CDX2: variants seen among roughly 807,000 people sequenced by gnomAD.
CDX2 encodes the protein homeobox protein CDX-2.
In CDX2, 7 loss-of-function variants were observed where a neutral mutation model predicts 25.5. That is an observed-to-expected ratio of 0.27 (90% CI 0.16 to 0.52). The LOEUF (loss-of-function observed/expected upper bound fraction) is 0.52. CDX2 is among the 20% of genes least tolerant of loss of function. CDX2 has a pLI of 0.97. For missense variants in CDX2, 375 were observed against 431.4 expected (o/e 0.87, Z 1.16); for synonymous variants, 222 against 198.6 (o/e 1.12, Z -0.99).
Position 27,963,121 on chromosome 13 carries a change from G to T in CDX2, c.936C>A (p.Thr312=). 6.2e-7 allele frequency: 1 copy of T among 1,611,498 alleles called. No homozygotes were observed. Among genetic ancestry groups the T allele is most frequent in the Non-Finnish European group, 8.5e-7 (1 of 1,178,192 alleles). The stretch of plus-strand genomic sequence containing the variant: ...CGCTGCAGAACCCGGTGGGTCACTG[G>T]GTGACGGTGGGGTTTAGCACCCCCC... The part of the protein sequence containing the change: ...PTGGVLNPTV[T]Q Residue 312 remains threonine, a synonymous_variant, in exon 3 of 3, where the codon ACC becomes ACA. Transcript: ENST00000381020.
In CDX2 at chr13:27,969,260, G is replaced by A; in HGVS notation, c.-254C>T. The A allele has an allele frequency of 1.9e-6, 1 of 514,744 alleles. No homozygotes were observed. Among genetic ancestry groups the A allele is most frequent in the Non-Finnish European group, 3.4e-6 (1 of 292,592 alleles). The allele number at this position is 514,744 out of a possible 1,614,324, so 31.9% of individuals were successfully genotyped here. A position where few individuals can be genotyped will look rare whatever the true frequency, so the allele number is the denominator to read the frequency against. On this transcript the variant is annotated 5_prime_UTR_variant, in exon 1 of 3. Transcript: ENST00000381020. ...CCTTCCCACTAGGCTGCAGAGGCGG[G>A]GAAGACCCGCCACAGGCTGGCGTGC... is the stretch of plus-strand genomic sequence containing the variant.
In CDX2 at chr13:27,968,441, CCGAAGGGGCGCAG is replaced by C; in HGVS notation, c.541+12_541+24del. 16 of 1,492,094 alleles carry C rather than the reference CCGAAGGGGCGCAG, an allele frequency of 1.1e-5. No homozygotes were observed. Among genetic ancestry groups the C allele is most frequent in the Non-Finnish European group, 1.3e-5 (15 of 1,135,942 alleles). 92.4% of individuals were successfully genotyped at this position (1,492,094 alleles called of 1,614,324 possible). On this transcript the variant is annotated intron_variant, in intron 1 of 2. Transcript: ENST00000381020. ...CGACCCGCGCCTTCCCAAGCACCCTCCGAAGGGGCGCAGCCTCTGCTTACCTTGGCTGCCGAGG... is the reference window on the plus strand; with the variant it reads ...CGACCCGCGCCTTCCCAAGCACCCTCCCTCTGCTTACCTTGGCTGCCGAGG...
chr13:27,961,398 G>A lies in CDX2; in HGVS notation c.*1717C>T, dbSNP rs1869039470. Among the ~76,000 whole-genome samples the A allele has an allele frequency of 2.6e-5, 4 of 152,238 alleles. No individual in the cohort carries two copies. Among genetic ancestry groups the A allele is most frequent in the Admixed American group, 2.6e-4 (4 of 15,290 alleles). On this transcript the variant is annotated 3_prime_UTR_variant, in exon 3 of 3. Coordinates refer to ENST00000381020, the MANE Select transcript of CDX2 (RefSeq NM_001265.6). ...GAAGGGCTAAGCCCCCCTCGCCCGG[G>A]TCCTGCCGGAAAGTTCAGCTCGGCG...
chr13:27,965,513 G>A (rs1248423129), intron 1 of CDX2, among the ~76,000 whole-genome samples: 2 of 152,182 alleles, frequency 1.3e-5, no homozygotes, highest in African/African-American at 4.8e-5. Flanking sequence ...GGGCTCAGGA[G>A]CTGACAAGTC....
rs145287912 is a variant in CDX2, at chr13:27,968,665, A to T, written c.342T>A (p.His114Gln). The change falls in exon 1 of 3, where the codon CAT becomes CAA. Residue 114 changes from histidine to glutamine, a missense_variant. Physicochemically the swap from His to Gln is conservative, Grantham distance 24 (BLOSUM62 0). Coordinates refer to ENST00000381020, the MANE Select transcript of CDX2 (RefSeq NM_001265.6). ...GGTGGTGATGCGGGTGGTGGTGCGGATGGTAGTCTGCGGGGCTGCTGTAGC... is the reference window on the plus strand; with the variant it reads ...GGTGGTGATGCGGGTGGTGGTGCGGTTGGTAGTCTGCGGGGCTGCTGTAGC... ...AMGYSSPADY[H>Q]PHHHPHHHPH... 1.2e-5 allele frequency: 19 copies of T among 1,533,388 alleles called. No homozygotes were observed. Among genetic ancestry groups the T allele is most frequent in the Non-Finnish European group, 1.6e-5 (18 of 1,144,504 alleles). The allele number at this position is 1,533,388 out of a possible 1,614,324, so 95.0% of individuals were successfully genotyped here.
Position 27,966,729 on chromosome 13 carries a change from A to G in CDX2, c.542-1714T>C, listed in dbSNP as rs114408453. ...CCCCTGGGAACCTAGGAGCGGGGCTATGGAGGGGAGGGATGAGAGGGACTT... is the reference window on the plus strand; with the variant it reads ...CCCCTGGGAACCTAGGAGCGGGGCTGTGGAGGGGAGGGATGAGAGGGACTT... On this transcript the variant is annotated intron_variant, in intron 1 of 2. Transcript: ENST00000381020. Among the ~76,000 whole-genome samples the G allele has an allele frequency of 7.4e-3, 1,119 of 152,222 alleles. 15 individuals are homozygous for G. The highest frequency in any genetic ancestry group is 0.026 in the African/African-American group (1,084 of 41,542).
At chr13:27,967,214 C>T in intron 1 of CDX2, 1 of 471,972 alleles carries the variant, frequency 2.1e-6, no homozygotes. Flanking sequence ...GAGAAAGGCG[C>T]CTCCTCTAGG....
In CDX2 at chr13:27,964,594, C is replaced by G. The variant is rs1475307931; in HGVS notation, c.687+276G>C. Among the ~76,000 whole-genome samples the G allele has an allele frequency of 6.6e-6, 1 of 151,758 alleles. No individual in the cohort carries two copies. Among genetic ancestry groups the G allele is most frequent in the East Asian group, 1.9e-4 (1 of 5,164 alleles). On this transcript the variant is annotated intron_variant, in intron 2 of 2. Transcript: ENST00000381020. This position sits in a 1 kb window ranked among gnomAD's most constrained non-coding sequence, Gnocchi z 4.7. The stretch of plus-strand genomic sequence containing the variant: ...TGGCTCGAGCCTGTAGTCCAAGCTA[C>G]TCAGGTGACTGAGGCAGGAGGATCC...
chr13:27,963,848 A>G (rs1386618386), intron 2 of CDX2, among the ~76,000 whole-genome samples: 1 of 152,170 alleles, frequency 6.6e-6, no homozygotes, highest in Non-Finnish European at 1.5e-5. Context: ...CTATATATAT[A>G]AAATGTTCAT....
rs1475643395 is a variant in CDX2 at position 27,961,924 on chromosome 13, G to A, written c.*1191C>T. On this transcript the variant is annotated 3_prime_UTR_variant, in exon 3 of 3. Transcript: ENST00000381020. The stretch of plus-strand genomic sequence containing the variant: ...CCAAAGGCACCCCCAGGAGAGCCAC[G>A]CATTCCAAGGCTGGGCTCAGGCTTG... 6.6e-6 allele frequency among the ~76,000 whole-genome samples: 1 copy of A among 151,978 alleles called. No individual in the cohort carries two copies. The highest frequency in any genetic ancestry group is 2.4e-5 in the African/African-American group (1 of 41,356).
chr13:27,969,010 G>T lies in CDX2; in HGVS notation c.-4C>A. ...CCAGGAGGTAGCTCACGTACATGGT[G>T]GCGAGGGTCCGGGAGCAGACCTCAC... On this transcript the variant is annotated 5_prime_UTR_variant, in exon 1 of 3. Transcript: ENST00000381020. The T allele has an allele frequency of 6.3e-7, 1 of 1,593,058 alleles. No individual in the cohort carries two copies. The highest frequency in any genetic ancestry group is 8.5e-7 in the Non-Finnish European group (1 of 1,175,990).
intron 1 of CDX2, among the ~76,000 whole-genome samples, chr13:27,968,068 G>C (rs1593185232): frequency 1.3e-5 from 2 of 152,320 alleles, no homozygotes; most frequent in South Asian, 4.1e-4. Context: ...AAGAAGGTTC[G>C]AGCCTCCCTC....
At chr13:27,965,627 T>C (rs1052734715) in intron 1 of CDX2, among the ~76,000 whole-genome samples, 12 of 152,224 alleles carry the variant, frequency 7.9e-5, no homozygotes, top group African/African-American at 2.9e-4. Flanking sequence ...GGACACTTTA[T>C]ACCTGCCCAG....
At chr13:27,967,120 G>A in intron 1 of CDX2, 1 of 377,144 alleles carries the variant, frequency 2.7e-6, no homozygotes, top group South Asian at 2.2e-5. Context: ...TCCTTAGGGC[G>A]TGCGCCACCC....
rs1018163426 is a variant in CDX2, at chr13:27,962,036, C to G, written c.*1079G>C. The G allele has an allele frequency of 4.4e-6, 1 of 229,808 alleles. No homozygotes were observed. The highest frequency in any genetic ancestry group is 5.7e-5 in the Admixed American group (1 of 17,644). 14.2% of individuals were successfully genotyped at this position (229,808 alleles called of 1,614,324 possible). ...GCTGTCCAGATAATCTCCACTCCCT[C>G]TCTGAATTTTCCAAATCAGCTTGCA... On this transcript the variant is annotated 3_prime_UTR_variant, in exon 3 of 3. Transcript: ENST00000381020.
At position 27,964,996 on chromosome 13, in the gene CDX2, G is replaced by A. The variant is rs1397725727; in HGVS notation, c.561C>T (p.Asp187=). ...GGTCCGTGTACACCACTCGATATTT[G>A]TCTTTCGTCCTGGTTTTCACTGTGG... ...LGSQVKTRTK[D]KYRVVYTDHQ... The change falls in exon 2 of 3, where the codon GAC becomes GAT. Residue 187 remains aspartate, a synonymous_variant. Coordinates refer to ENST00000381020, the MANE Select transcript of CDX2 (RefSeq NM_001265.6). The surrounding 1 kb of genome is among the most constrained non-coding windows in gnomAD (Gnocchi z 4.7). 9 of 1,613,968 alleles carry A rather than the reference G, an allele frequency of 5.6e-6. No homozygotes were observed. Among genetic ancestry groups the A allele is most frequent in the East Asian group, 2.2e-5 (1 of 44,884 alleles).
Position 27,967,231 on chromosome 13 carries a change from G to C in CDX2, c.541+1235C>G, listed in dbSNP as rs1869375991. On this transcript the variant is annotated intron_variant, in intron 1 of 2. Transcript: ENST00000381020. The stretch of plus-strand genomic sequence containing the variant: ...GAAAGGCGCCTCCTCTAGGAGAAGG[G>C]ACCAAGCCAAAGCTCTGAGGCTCAC... The C allele has an allele frequency of 6.1e-6, 3 of 495,520 alleles. No individual in the cohort carries two copies. In the East Asian group the frequency reaches 1.4e-4, roughly 23 times the overall value. 30.7% of individuals were successfully genotyped at this position (495,520 alleles called of 1,614,324 possible).
intron 1 of CDX2, chr13:27,967,140 G>C (rs1467795028): frequency 2.7e-6 from 1 of 375,860 alleles, no homozygotes; most frequent in Non-Finnish European, 5.2e-6. Context: ...CCCGCCAACC[G>C]CGCCCCAGAC....
chr13:27,965,764 T>C (rs1869288423), intron 1 of CDX2, among the ~76,000 whole-genome samples: 1 of 150,390 alleles, frequency 6.6e-6, no homozygotes. Context: ...AAATCCCAGA[T>C]TGATTGTTTT....
Sources: allele counts gnomAD v4.1 joint callset (sites outside exome capture counted in the v4.1 genomes callset), GRCh38; gene constraint gnomAD v4.1.1; non-coding constraint Gnocchi (gnomAD v3.1); transcripts MANE v1.5; gene names NCBI Gene and HGNC (gene_info 2026-07-23, HGNC 2026-07-21).